ESRRB: variants seen among roughly 807,000 people sequenced by gnomAD.
The protein encoded by ESRRB is estrogen related receptor beta.
A neutral mutation model predicts 46.0 loss-of-function variants in ESRRB; 16 were observed. That is an observed-to-expected ratio of 0.35 (90% CI 0.24 to 0.53). ESRRB has a LOEUF of 0.53. Ranked by LOEUF, ESRRB falls within the 20% of genes least tolerant of loss-of-function variation. The pLI is 0.93. For synonymous variants in ESRRB, 246 were observed against 259.6 expected, an observed-to-expected ratio of 0.95 and a Z score of 0.50; for missense variants, 488 against 607.4, an observed-to-expected ratio of 0.80 and a Z score of 2.07.
intron 1 of ESRRB, among the ~76,000 whole-genome samples, chr14:76,380,295 T>G (rs1884957422): frequency 6.6e-6 from 1 of 152,026 alleles, no homozygotes. Context: ...GCATGTACAT[T>G]GGGGAGGGCG....
At chr14:76,310,986 C>CTCTA in intron 1 of ESRRB, 1 of 194,862 alleles carries the variant, frequency 5.1e-6, no homozygotes, top group Non-Finnish European at 9.4e-6. Flanking sequence ...CTTTCTCTCT[C>CTCTA]TCTCTCTCTC....
intron 1 of ESRRB, among the ~76,000 whole-genome samples, chr14:76,315,250 C>T (rs1359005459): frequency 7.0e-6 from 1 of 142,496 alleles, no homozygotes; most frequent in African/African-American, 2.6e-5. Flanking sequence ...TGGTCTCCCT[C>T]CATGACTGCA....
At chr14:76,372,028 T>G (rs908661429), upstream of ESRRB, among the ~76,000 whole-genome samples, 3 of 151,592 alleles carry the variant, frequency 2.0e-5, no homozygotes, top group South Asian at 6.3e-4. Context: ...CCATTAAGAG[T>G]GGAGATTTTC....
chr14:76,332,850 T>TTA (rs1310251993), intron 1 of ESRRB, among the ~76,000 whole-genome samples: 2 of 33,784 alleles, frequency 5.9e-5, no homozygotes, highest in Non-Finnish European at 9.9e-5. Context: ...TATTTATATA[T>TTA]TATATATTTA....
Position 76,376,543 on chromosome 14 carries a change from G to T in ESRRB, c.50+92G>T. On this transcript the variant is annotated intron_variant, in intron 1 of 6. Transcript: ENST00000644823. This position sits in a 1 kb window ranked among gnomAD's most constrained non-coding sequence, Gnocchi z 4.1. ...CAGTTCCTTTTCTGCACATTCTTGT[G>T]TAAAAGTGGAAGGGACTTCGGGGGG... 1.0e-6 allele frequency: 1 copy of T among 965,308 alleles called. No individual in the cohort carries two copies. The highest frequency in any genetic ancestry group is 1.3e-6 in the Non-Finnish European group (1 of 746,906). The allele number at this position is 965,308 out of a possible 1,614,324, so 59.8% of individuals were successfully genotyped here. A position where few individuals can be genotyped will look rare whatever the true frequency, so the allele number is the denominator to read the frequency against.
chr14:76,328,240 C>A (rs1883958617), intron 1 of ESRRB, among the ~76,000 whole-genome samples: 1 of 152,224 alleles, frequency 6.6e-6, no homozygotes. Context: ...GGGTGAACTG[C>A]AGAGTTGCTG....
intron 1 of ESRRB, among the ~76,000 whole-genome samples, chr14:76,400,914 T>C (rs1173928642): frequency 6.6e-6 from 1 of 152,232 alleles, no homozygotes; most frequent in Admixed American, 6.5e-5. Context: ...ATTTCTTCGC[T>C]GGTTTAAGCA....
At position 76,416,418 on chromosome 14, in the gene ESRRB, C is replaced by T. The variant is rs575340718; in HGVS notation, c.51-22923C>T. ...GGATTACAGGCATGAACCTGCGCCC[C>T]GCCTCTATTTTTTTACTTATAGCAT... is the stretch of plus-strand genomic sequence containing the variant. On this transcript the variant is annotated intron_variant, in intron 1 of 6. Transcript: ENST00000644823. Among the ~76,000 whole-genome samples the T allele has an allele frequency of 7.3e-4, 111 of 152,050 alleles. 1 individual carries two copies. Among genetic ancestry groups the T allele is most frequent in the Non-Finnish European group, 1.3e-3 (89 of 67,990 alleles).
chr14:76,448,153 T>C (rs1888229260), intron 2 of ESRRB, among the ~76,000 whole-genome samples: 1 of 152,110 alleles, frequency 6.6e-6, no homozygotes, highest in Non-Finnish European at 1.5e-5. Flanking sequence ...CTCCAGTTAG[T>C]AGGCATTTCC....
intron 5 of ESRRB, among the ~76,000 whole-genome samples, chr14:76,488,821 C>T (rs1890111966): frequency 6.6e-6 from 1 of 152,180 alleles, no homozygotes; most frequent in Non-Finnish European, 1.5e-5. Context: ...GCCCACCTTC[C>T]CCAGTGCGTG....
chr14:76,333,072 T>A (rs1475162314), intron 1 of ESRRB, among the ~76,000 whole-genome samples: 261 of 7,990 alleles, frequency 0.033, 96 homozygotes, highest in Middle Eastern at 0.33. Flanking sequence ...TATTATATAT[T>A]ATATATATTA....
intron 2 of ESRRB, among the ~76,000 whole-genome samples, chr14:76,445,198 G>A (rs7148600): frequency 2.0e-5 from 3 of 148,132 alleles, no homozygotes; most frequent in Non-Finnish European, 3.0e-5. Flanking sequence ...GGCCGGGTGC[G>A]ATGGCTCACA....
chr14:76,493,930 A>T (rs1269067691), intron 6 of ESRRB, among the ~76,000 whole-genome samples: 1 of 152,230 alleles, frequency 6.6e-6, no homozygotes, highest in Non-Finnish European at 1.5e-5. Context: ...GTGGACCCAC[A>T]TGGGTACAAA....
chr14:76,398,809 C>A (rs1457914929), intron 1 of ESRRB, among the ~76,000 whole-genome samples: 1 of 152,144 alleles, frequency 6.6e-6, no homozygotes, highest in African/African-American at 2.4e-5. Context: ...GTGTGCCTTG[C>A]TCAGGTTGCT....
intron 1 of ESRRB, among the ~76,000 whole-genome samples, chr14:76,435,420 C>T (rs188764228): frequency 6.6e-6 from 1 of 152,218 alleles, no homozygotes; most frequent in Non-Finnish European, 1.5e-5. Context: ...GTCTTGAGAT[C>T]GTGAGCTGTG....
Position 76,376,544 on chromosome 14 carries a change from T to C in ESRRB, c.50+93T>C. On this transcript the variant is annotated intron_variant, in intron 1 of 6. Coordinates refer to ENST00000644823, the MANE Select transcript of ESRRB (RefSeq NM_001379180.1). The surrounding 1 kb of genome is among the most constrained non-coding windows in gnomAD (Gnocchi z 4.1). Reference sequence around the variant, plus strand: ...AGTTCCTTTTCTGCACATTCTTGTGTAAAAGTGGAAGGGACTTCGGGGGGG... The same window carrying C: ...AGTTCCTTTTCTGCACATTCTTGTGCAAAAGTGGAAGGGACTTCGGGGGGG... 1.0e-6 allele frequency: 1 copy of C among 981,174 alleles called. No individual in the cohort carries two copies. The highest frequency in any genetic ancestry group is 1.3e-6 in the Non-Finnish European group (1 of 760,470). The allele number at this position is 981,174 out of a possible 1,614,324, so 60.8% of individuals were successfully genotyped here.
intron 6 of ESRRB, 110 bp from the exon 7 acceptor site, chr14:76,498,104 C>A: frequency 7.8e-7 from 1 of 1,285,768 alleles, no homozygotes; most frequent in Non-Finnish European, 1.1e-6. Context: ...AGAGAGGGTT[C>A]TGAAGATACC....
At chr14:76,327,661 A>G (rs897942444) in intron 1 of ESRRB, among the ~76,000 whole-genome samples, 8 of 152,058 alleles carry the variant, frequency 5.3e-5, no homozygotes, top group Non-Finnish European at 7.4e-5. Context: ...GAATGGCGGC[A>G]CTGGAAGTTG....
intron 1 of ESRRB, among the ~76,000 whole-genome samples, chr14:76,399,521 C>T (rs1003504267): frequency 1.3e-5 from 2 of 152,150 alleles, no homozygotes; most frequent in Non-Finnish European, 2.9e-5. Context: ...TGAATATGCT[C>T]GCTGATGGCA....
Sources: allele counts gnomAD v4.1 joint callset (sites outside exome capture counted in the v4.1 genomes callset), GRCh38; gene constraint gnomAD v4.1.1; non-coding constraint Gnocchi (gnomAD v3.1); transcripts MANE v1.5; gene names NCBI Gene and HGNC (gene_info 2026-07-23, HGNC 2026-07-21).